SORCS1: variants seen among roughly 807,000 people sequenced by gnomAD.
The protein encoded by SORCS1 is sortilin related VPS10 domain containing receptor 1.
Under a neutral mutation model 146.1 loss-of-function variants are expected in SORCS1, and 60 were observed. That is an observed-to-expected ratio of 0.41 (90% CI 0.33 to 0.51). The LOEUF is 0.51. Among genes scored for constraint, SORCS1 ranks in the 20% least tolerant of loss-of-function variants. The probability of loss-of-function intolerance (pLI) is 0.21; values close to 1 mark genes in which losing one functional copy is unlikely to be tolerated. For synonymous variants in SORCS1, 637 were observed against 584.0 expected, an observed-to-expected ratio of 1.09 and a Z score of -1.31; for missense variants, 1,352 against 1,487.6, an observed-to-expected ratio of 0.91 and a Z score of 1.50.
chr10:106,655,147 G>A lies in SORCS1; in HGVS notation c.2304-2594C>T, dbSNP rs142027556. ...GCTGACTAAAGACATGAGCCACCAC[G>A]CCTGGCCTCATCTGATATTTATTTT... On this transcript the variant is annotated intron_variant, in intron 17 of 25. Transcript: ENST00000263054. 2.4e-3 allele frequency among the ~76,000 whole-genome samples: 366 copies of A among 152,188 alleles called. 1 individual carries two copies. Among genetic ancestry groups the A allele is most frequent in the African/African-American group, 8.4e-3 (350 of 41,520 alleles).
rs543951396 is a variant in SORCS1 at position 106,989,752 on chromosome 10, T to A, written c.559-33172A>T. On this transcript the variant is annotated intron_variant, in intron 1 of 25. Transcript: ENST00000263054. ...CCCAGGCTGGAGTGCAGTGGCGCGA[T>A]CTCGGTTCACTGCAAGCTCCACCTC... 6.8e-5 allele frequency among the ~76,000 whole-genome samples: 10 copies of A among 146,144 alleles called. No homozygotes were observed. In the East Asian group the frequency reaches 2.0e-3, roughly 29 times the overall value.
intron 24 of SORCS1, among the ~76,000 whole-genome samples, chr10:106,583,837 G>A (rs1037215234): frequency 1.2e-4 from 18 of 152,052 alleles, no homozygotes; most frequent in South Asian, 4.2e-4. Flanking sequence ...CCCTTTGCTC[G>A]GTTTCTTTCC....
At chr10:106,756,128 CA>C (rs568777554) in intron 5 of SORCS1, among the ~76,000 whole-genome samples, 55 of 145,292 alleles carry the variant, frequency 3.8e-4, no homozygotes, top group Middle Eastern at 3.6e-3. Context: ...GACAATGTCT[CA>C]AAAAAAAAAA....
chr10:106,935,282 C>T (rs1270980901), intron 2 of SORCS1, among the ~76,000 whole-genome samples: 4 of 152,010 alleles, frequency 2.6e-5, no homozygotes, highest in African/African-American at 7.2e-5. Flanking sequence ...TTCACTGTAA[C>T]CTAATTGATC....
chr10:107,101,633 A>AT (rs1395606007), intron 1 of SORCS1, among the ~76,000 whole-genome samples: 2 of 152,110 alleles, frequency 1.3e-5, no homozygotes, highest in Non-Finnish European at 2.9e-5. Context: ...AACTGCTGGG[A>AT]TTATAGGACT....
intron 1 of SORCS1, among the ~76,000 whole-genome samples, chr10:107,016,400 G>T (rs1014442050): frequency 2.6e-5 from 4 of 152,146 alleles, no homozygotes; most frequent in African/African-American, 9.7e-5. Context: ...ACTATTCGGG[G>T]ATGCTGAGGC....
chr10:106,637,438 G>A (rs892008556), intron 18 of SORCS1, among the ~76,000 whole-genome samples: 5 of 152,108 alleles, frequency 3.3e-5, no homozygotes, highest in African/African-American at 4.8e-5. Flanking sequence ...GCATAATTAC[G>A]GAGTATTGTC....
At chr10:106,579,227 A>G (rs1314463330) in intron 25 of SORCS1, 142 bp downstream of exon 25, 1 of 1,614,040 alleles carries the variant, frequency 6.2e-7, no homozygotes, top group Admixed American at 1.7e-5. Context: ...GCATCTGGGC[A>G]TAAACATTAA....
intron 17 of SORCS1, among the ~76,000 whole-genome samples, chr10:106,656,766 G>A (rs930150625): frequency 6.6e-6 from 1 of 151,800 alleles, no homozygotes; most frequent in African/African-American, 2.4e-5. Context: ...TCTCAACCCC[G>A]TCTACCCTTT....
chr10:107,120,382 T>C (rs1337153301), intron 1 of SORCS1, among the ~76,000 whole-genome samples: 1 of 151,996 alleles, frequency 6.6e-6, no homozygotes, highest in Non-Finnish European at 1.5e-5. Context: ...AAAAATTCAC[T>C]GCCTGTAGGC....
At chr10:106,822,317 G>A (rs752062420) in intron 3 of SORCS1, among the ~76,000 whole-genome samples, 1 of 152,154 alleles carries the variant, frequency 6.6e-6, no homozygotes, top group African/African-American at 2.4e-5. Flanking sequence ...AGTGTACAGA[G>A]AGGAGTGTCT....
At chr10:106,777,037 G>A (rs1176048784) in intron 3 of SORCS1, among the ~76,000 whole-genome samples, 1 of 152,138 alleles carries the variant, frequency 6.6e-6, no homozygotes, top group Non-Finnish European at 1.5e-5. Context: ...TGTGCCTTAT[G>A]CACTTTCCAT....
intron 2 of SORCS1, among the ~76,000 whole-genome samples, chr10:106,920,808 G>C (rs1013503929): frequency 6.6e-6 from 1 of 152,070 alleles, no homozygotes; most frequent in African/African-American, 2.4e-5. Context: ...GTGGTCTTAT[G>C]ACCTGGATGG....
At chr10:106,798,707 T>A (rs1384618180) in intron 3 of SORCS1, among the ~76,000 whole-genome samples, 1 of 152,186 alleles carries the variant, frequency 6.6e-6, no homozygotes, top group Non-Finnish European at 1.5e-5. Context: ...TTTGGGTTGG[T>A]TCCAAGTCTT....
chr10:106,612,537 C>G (rs965624004), intron 21 of SORCS1, among the ~76,000 whole-genome samples: 9 of 151,814 alleles, frequency 5.9e-5, no homozygotes, highest in Admixed American at 5.9e-4. Flanking sequence ...CTCACCCTAG[C>G]CTTTTAGTAT....
intron 4 of SORCS1, among the ~76,000 whole-genome samples, chr10:106,776,300 C>T (rs1307215205): frequency 6.6e-6 from 1 of 152,170 alleles, no homozygotes; most frequent in Non-Finnish European, 1.5e-5. Flanking sequence ...TGCTTCTCCA[C>T]CATGTCTTAC....
At chr10:106,792,700 A>T (rs1224548996) in intron 3 of SORCS1, among the ~76,000 whole-genome samples, 1 of 152,264 alleles carries the variant, frequency 6.6e-6, no homozygotes, top group Admixed American at 6.5e-5. Flanking sequence ...AAATTTGTCT[A>T]AAACATAAGT....
chr10:106,620,987 A>G (rs967062436), intron 19 of SORCS1, among the ~76,000 whole-genome samples: 42 of 152,066 alleles, frequency 2.8e-4, no homozygotes, highest in African/African-American at 9.9e-4. Context: ...ACCACTCTCT[A>G]TGTCATTACC....
At chr10:107,115,386 G>C (rs571460393) in intron 1 of SORCS1, among the ~76,000 whole-genome samples, 1 of 151,970 alleles carries the variant, frequency 6.6e-6, no homozygotes, top group African/African-American at 2.4e-5. Flanking sequence ...AAAACTGTAC[G>C]GTATTGGCAT....
Sources: gnomAD v4.1 joint callset for allele counts (sites outside exome capture counted in the v4.1 genomes callset) on GRCh38, gnomAD v4.1.1 for gene constraint, MANE v1.5 for transcripts, NCBI Gene and HGNC (gene_info 2026-07-23, HGNC 2026-07-21) for gene names.